Variants in CCDC82 observed in about 807,000 individuals in gnomAD.
The protein encoded by CCDC82 is coiled-coil domain-containing protein 82.
Under a neutral mutation model 60.6 loss-of-function variants are expected in CCDC82, and 47 were observed. The observed-to-expected ratio is 0.77, with a 90% CI of 0.61 to 0.99. CCDC82 has a LOEUF of 0.99. Among genes scored for constraint, CCDC82 ranks in the 50% least tolerant of loss-of-function variants. CCDC82 has a pLI of 0.00. For missense variants in CCDC82, 588 were observed against 633.0 expected, an observed-to-expected ratio of 0.93 and a Z score of 0.76; for synonymous variants, 212 against 207.4, an observed-to-expected ratio of 1.02 and a Z score of -0.19.
rs146137167 is a variant in CCDC82, at chr11:96,353,704, T to C, written c.1577A>G (p.Gln526Arg). 1.2e-6 allele frequency: 2 copies of C among 1,609,450 alleles called. No homozygotes were observed. Among genetic ancestry groups the C allele is most frequent in the African/African-American group, 2.7e-5 (2 of 74,868 alleles). Reference protein sequence around the residue: ...ENGWIKEKYGQLEEYLNFADY... With the variant: ...ENGWIKEKYGRLEEYLNFADY... ...CGCAAAATTGAGATATTCTTCAAGT[T>C]GACCATATTTCTGCATATACAATAG... is the stretch of plus-strand genomic sequence containing the variant. Residue 526 changes from glutamine (Q) to arginine (R), a missense_variant, in exon 10 of 10, where the codon CAA becomes CGA. Transcript: ENST00000646818.
chr11:96,389,202 A>T (rs575504380), intron 1 of CCDC82: 1 of 152,384 alleles, frequency 6.6e-6, no homozygotes, highest in East Asian at 1.9e-4. Flanking sequence ...AACAGTCCAC[A>T]ATTTCGCAAA....
chr11:96,357,206 A>G (rs1864391880), intron 9 of CCDC82: 1 of 985,322 alleles, frequency 1.0e-6, no homozygotes, highest in African/African-American at 1.7e-5. Context: ...AAAGCTGCAA[A>G]TGGGTTTATA....
intron 6 of CCDC82, 117 bp downstream of exon 6, chr11:96,373,258 G>A: frequency 1.7e-6 from 1 of 597,922 alleles, no homozygotes; most frequent in Admixed American, 3.2e-5. Flanking sequence ...AACATTGGAA[G>A]GTCTTACAAA....
intron 8 of CCDC82, chr11:96,364,238 T>G (rs1451544074): frequency 6.6e-6 from 1 of 152,076 alleles, no homozygotes; most frequent in African/African-American, 2.4e-5. Context: ...CTATTAAATA[T>G]ACATATATAT....
chr11:96,357,551 T>A, intron 9 of CCDC82: 1 of 985,366 alleles, frequency 1.0e-6, no homozygotes, highest in Non-Finnish European at 1.2e-6. Context: ...AAGCTTTTTC[T>A]AGGATACATG....
At chr11:96,366,540 C>T (rs185639124) in intron 7 of CCDC82, among the ~76,000 whole-genome samples, 1 of 152,148 alleles carries the variant, frequency 6.6e-6, no homozygotes, top group Non-Finnish European at 1.5e-5. Flanking sequence ...AGCAGTGGAA[C>T]CTTATGTTAC....
intron 9 of CCDC82, chr11:96,357,105 C>T (rs1182678255): frequency 1.0e-6 from 1 of 985,248 alleles, no homozygotes; most frequent in African/African-American, 1.7e-5. Flanking sequence ...GCAGTGCTAT[C>T]ACTCAAAGGC....
chr11:96,371,170 T>A, intron 6 of CCDC82, 33 bp from the exon 7 acceptor site: 1 of 1,432,958 alleles, frequency 7.0e-7, no homozygotes, highest in Non-Finnish European at 9.3e-7. Flanking sequence ...AAAAAATCAT[T>A]TTGTTAATTA....
chr11:96,379,492 G>A lies in CCDC82; in HGVS notation c.991+3777C>T, dbSNP rs371739825. Among the ~76,000 whole-genome samples, 298 of 151,818 alleles carry A rather than the reference G, an allele frequency of 2.0e-3. 2 individuals are homozygous for A. The highest frequency in any genetic ancestry group is 0.012 in the South Asian group (60 of 4,822). On this transcript the variant is annotated intron_variant, in intron 5 of 9. Coordinates refer to ENST00000646818, the MANE Select transcript of CCDC82 (RefSeq NM_024725.4). ...ACAATGAGTTCCTATAAGGTGTCAC[G>A]AACTCTAATGGGTACTAGAAATATA...
At chr11:96,370,897 G>A (rs1412299723) in intron 7 of CCDC82, 116 bp downstream of exon 7, 1 of 844,290 alleles carries the variant, frequency 1.2e-6, no homozygotes. Context: ...ATAATAAGCT[G>A]ATTATTTAAC....
rs1481624581 is a variant in CCDC82, at chr11:96,384,550, CTCT to C, written c.195_197del (p.Glu66del). On this transcript the variant is annotated inframe_deletion, in exon 4 of 10. Coordinates refer to ENST00000646818, the MANE Select transcript of CCDC82 (RefSeq NM_024725.4). ...AATCAGGTCCCTTGTTACTATCAAG[CTCT>C]TCATCATTTTCAAAACTTTCATCAC... 1.9e-6 allele frequency: 3 copies of C among 1,613,484 alleles called. No homozygotes were observed. Among genetic ancestry groups the C allele is most frequent in the Non-Finnish European group, 2.5e-6 (3 of 1,179,732 alleles).
intron 5 of CCDC82, 62 bp downstream of exon 5, chr11:96,383,202 CTAATT>C (rs1865970639): frequency 1.1e-6 from 1 of 924,844 alleles, no homozygotes; most frequent in Non-Finnish European, 1.8e-6. Context: ...TATTAAAAGG[CTAATT>C]TGATACTTGA....
intron 1 of CCDC82, chr11:96,389,115 A>T (rs1866383684): frequency 1.3e-5 from 2 of 152,252 alleles, no homozygotes; most frequent in Admixed American, 6.5e-5. Flanking sequence ...AACAAGACAG[A>T]ACATGACAGA....
Position 96,352,909 on chromosome 11 carries a change from A to T in CCDC82, c.*737T>A, listed in dbSNP as rs1479083344. On this transcript the variant is annotated 3_prime_UTR_variant, in exon 10 of 10. Coordinates refer to ENST00000646818, the MANE Select transcript of CCDC82 (RefSeq NM_024725.4). ...CAGCAGTTCTGACCCTAAGATACATACTTATATGGAAAAAGCTATGGATAA... is the reference window on the plus strand; with the variant it reads ...CAGCAGTTCTGACCCTAAGATACATTCTTATATGGAAAAAGCTATGGATAA... 6.6e-6 allele frequency: 1 copy of T among 152,230 alleles called. No individual in the cohort carries two copies. The highest frequency in any genetic ancestry group is 1.9e-4 in the East Asian group (1 of 5,206). The allele number at this position is 152,230 out of a possible 1,614,324, so 9.4% of individuals were successfully genotyped here.
rs375453842 is a variant in CCDC82, at chr11:96,354,070, A to G, written c.1567-356T>C. 297 of 173,934 alleles carry G rather than the reference A, an allele frequency of 1.7e-3. 1 individual carries two copies. Among genetic ancestry groups the G allele is most frequent in the Middle Eastern group, 8.3e-3 (3 of 362 alleles). 10.8% of individuals were successfully genotyped at this position (173,934 alleles called of 1,614,324 possible). A position where few individuals can be genotyped will look rare whatever the true frequency, so the allele number is the denominator to read the frequency against. On this transcript the variant is annotated intron_variant, in intron 9 of 9. Transcript: ENST00000646818. Reference sequence around the variant, plus strand: ...TCAAAGGCTCTGCTAATGACTGTCTAGGTACAGTGTTTTTTAAAAGATACT... The same window carrying G: ...TCAAAGGCTCTGCTAATGACTGTCTGGGTACAGTGTTTTTTAAAAGATACT...
rs555483367 is a variant in CCDC82, at chr11:96,366,471, T to C, written c.1210-1321A>G. On this transcript the variant is annotated intron_variant, in intron 7 of 9. Transcript: ENST00000646818. Reference sequence around the variant, plus strand: ...CAATATGGTAAAACCTAATATGGCATACAGGCATGGGTTTTGGAGTCTGAG... The same window carrying C: ...CAATATGGTAAAACCTAATATGGCACACAGGCATGGGTTTTGGAGTCTGAG... 3.3e-5 allele frequency among the ~76,000 whole-genome samples: 5 copies of C among 152,354 alleles called. 1 individual carries two copies. The highest frequency in any genetic ancestry group is 9.6e-5 in the African/African-American group (4 of 41,596).
chr11:96,383,810 T>C (rs1021610320), intron 4 of CCDC82, 152 bp downstream of exon 4: 18 of 702,594 alleles, frequency 2.6e-5, no homozygotes, highest in South Asian at 1.4e-4. Context: ...TTACGTACAA[T>C]AGTGTAATCA....
Position 96,365,145 on chromosome 11 carries a change from T to C in CCDC82, c.1215A>G (p.Arg405=). Reference sequence around the variant, plus strand: ...TACTTACATTAGAATAATTTTCTACTCGCTCCTGAAAACAAAAAATATAAA... The same window carrying C: ...TACTTACATTAGAATAATTTTCTACCCGCTCCTGAAAACAAAAAATATAAA... ...RSRWKEQYKE[R]VENYSNVSIH... The change falls in exon 8 of 10, where the codon CGA becomes CGG. Residue 405 remains arginine, a synonymous_variant. Coordinates refer to ENST00000646818, the MANE Select transcript of CCDC82 (RefSeq NM_024725.4). 6.4e-7 allele frequency: 1 copy of C among 1,551,058 alleles called. No homozygotes were observed. The highest frequency in any genetic ancestry group is 8.7e-7 in the Non-Finnish European group (1 of 1,147,908).
At chr11:96,379,303 A>G (rs542450769) in intron 5 of CCDC82, among the ~76,000 whole-genome samples, 38 of 152,020 alleles carry the variant, frequency 2.5e-4, no homozygotes, top group Non-Finnish European at 5.0e-4. Context: ...AAATTGCTAA[A>G]TATTAAAAAT....
Sources: allele counts gnomAD v4.1 joint callset (sites outside exome capture counted in the v4.1 genomes callset), GRCh38; gene constraint gnomAD v4.1.1; transcripts MANE v1.5; gene names NCBI Gene and HGNC (gene_info 2026-07-23, HGNC 2026-07-21).